HTR3D: variants seen among roughly 807,000 people sequenced by gnomAD.
HTR3D encodes the protein 5-hydroxytryptamine receptor 3D.
Under a neutral mutation model 45.8 loss-of-function variants are expected in HTR3D, and 47 were observed. The ratio of observed to expected loss-of-function variants is 1.03; its 90% CI spans 0.81 to 1.31. HTR3D has a LOEUF of 1.31. HTR3D is among the 50% of genes most tolerant of loss of function. The pLI is 0.00. For missense variants in HTR3D, 448 were observed against 506.9 expected (o/e 0.88, Z 1.12); for synonymous variants, 203 against 199.8 (o/e 1.02, Z -0.13).
chr3:184,036,334 C>T (rs1722888373), intron 3 of HTR3D, 41 bp from the exon 4 acceptor site: 5 of 1,606,824 alleles, frequency 3.1e-6, no homozygotes, highest in Non-Finnish European at 2.6e-6. Flanking sequence ...TGGGGAAACC[C>T]ACAGCACCTA....
intron 1 of HTR3D, among the ~76,000 whole-genome samples, chr3:184,032,596 G>T (rs73048500): frequency 7.2e-5 from 11 of 152,150 alleles, no homozygotes; most frequent in Admixed American, 7.2e-4. Context: ...AGGTGGAGAG[G>T]TTGCAGTGAG....
intron 1 of HTR3D, chr3:184,032,818 C>CT: frequency 1.3e-6 from 2 of 1,538,180 alleles, no homozygotes; most frequent in Middle Eastern, 1.8e-4. Flanking sequence ...CCAGTGCCCC[C>CT]TGTTTTCTCT....
At chr3:184,037,798 C>A (rs1722950367) in intron 5 of HTR3D, among the ~76,000 whole-genome samples, 1 of 152,198 alleles carries the variant, frequency 6.6e-6, no homozygotes. Context: ...AAAGTTGACA[C>A]CTTGGGCCAA....
At chr3:184,036,948 G>A in intron 5 of HTR3D, 52 bp downstream of exon 5, 1 of 1,522,764 alleles carries the variant, frequency 6.6e-7, no homozygotes, top group Non-Finnish European at 8.9e-7. Context: ...GGCTGGTCTT[G>A]AACTCCTGGC....
rs201102333 is a variant in HTR3D at position 184,038,894 on chromosome 3, G to A, written c.1134G>A (p.Ala378=). 1.3e-5 allele frequency: 21 copies of A among 1,614,218 alleles called. No individual in the cohort carries two copies. The highest frequency in any genetic ancestry group is 1.0e-4 in the Admixed American group (6 of 60,030). ...AGCTGTGGGTGCAGTTCAGCCACGC[G>A]ATGGACGCCCTGCTCTTCCGCCTCT... ...SVELWVQFSH[A]MDALLFRLYL... The change falls in exon 8 of 8, where the codon GCG becomes GCA. Residue 378 remains alanine, a synonymous_variant. Transcript: ENST00000428798. The surrounding 1 kb of genome is among the most constrained non-coding windows in gnomAD (Gnocchi z 4.5).
Position 184,036,642 on chromosome 3 carries a change from G to C in HTR3D, c.367+98G>C, listed in dbSNP as rs1576978517. 4.4e-6 allele frequency: 7 copies of C among 1,584,070 alleles called. No individual in the cohort carries two copies. The East Asian group carries it at 1.6e-4, about 36-fold the overall frequency. The stretch of plus-strand genomic sequence containing the variant: ...AACAGTGAGGGAATCTTGCTGAAAA[G>C]GGCCTGGAAGCTAAGCAGTGAGGGA... On this transcript the variant is annotated intron_variant, in intron 4 of 7. Transcript: ENST00000428798.
chr3:184,036,727 C>A (rs1215334345), intron 4 of HTR3D, 21 bp from the exon 5 acceptor site: 11 of 1,552,422 alleles, frequency 7.1e-6, no homozygotes, highest in Non-Finnish European at 9.6e-6. Flanking sequence ...TCTGGGCCTG[C>A]TTTGCAGTGG....
chr3:184,036,313 G>A (rs1722887628), intron 3 of HTR3D, 62 bp from the exon 4 acceptor site: 1 of 1,587,946 alleles, frequency 6.3e-7, no homozygotes, highest in Non-Finnish European at 8.6e-7. Context: ...GAGAAAGAAG[G>A]CCAAGTCTGA....
Position 184,038,116 on chromosome 3 carries a change from C to T in HTR3D, c.612C>T (p.Tyr204=). ...ILIAIDALSF[Y]LPLESGNCAP... ...TTGCCATCGATGCCCTCAGTTTCTA[C>T]CTGCCACTGGAAAGTGGGAATTGTG... Residue 204 remains tyrosine, a synonymous_variant, in exon 6 of 8, where the codon TAC becomes TAT. Coordinates refer to ENST00000428798, the MANE Select transcript of HTR3D (RefSeq NM_001145143.1). This position sits in a 1 kb window ranked among gnomAD's most constrained non-coding sequence, Gnocchi z 4.5. 4 of 1,614,142 alleles carry T rather than the reference C, an allele frequency of 2.5e-6. No individual in the cohort carries two copies. The South Asian group carries it at 3.3e-5, about 13-fold the overall frequency.
At chr3:184,033,744 C>T (rs1176202208) in intron 1 of HTR3D, among the ~76,000 whole-genome samples, 3 of 151,960 alleles carry the variant, frequency 2.0e-5, no homozygotes, top group African/African-American at 7.3e-5. Context: ...TGGTGAAACC[C>T]CATCTCTACT....
At chr3:184,037,038 T>A in intron 5 of HTR3D, 142 bp downstream of exon 5, 1 of 187,756 alleles carries the variant, frequency 5.3e-6, no homozygotes, top group Non-Finnish European at 8.1e-6. Context: ...TTTGTCACTC[T>A]TTTTTTTTTT....
chr3:184,034,482 A>G (rs1299202587), intron 1 of HTR3D, among the ~76,000 whole-genome samples: 1 of 152,200 alleles, frequency 6.6e-6, no homozygotes, highest in Non-Finnish European at 1.5e-5. Context: ...CAAGAAGAAA[A>G]GAGCTCTGGT....
chr3:184,038,964 T>C lies in HTR3D; in HGVS notation c.1204T>C (p.Trp402Arg), dbSNP rs900796190. 1.9e-6 allele frequency: 3 copies of C among 1,614,028 alleles called. No homozygotes were observed. The highest frequency in any genetic ancestry group is 2.7e-5 in the African/African-American group (2 of 74,926). ...ASSIITVICL[W>R]NT is the part of the protein sequence containing the mutation. ...CTCCATCATCACCGTCATATGCCTC[T>C]GGAACACCTAGGCAGGTGCTCACCT... The change falls in exon 8 of 8, where the codon TGG (tryptophan) becomes CGG (arginine). Residue 402 changes from tryptophan to arginine, a missense_variant. By Grantham distance (101) the Trp-to-Arg change is moderately radical. Transcript: ENST00000428798. The surrounding 1 kb of genome is among the most constrained non-coding windows in gnomAD (Gnocchi z 4.5).
chr3:184,033,449 A>G (rs984163749), intron 1 of HTR3D, among the ~76,000 whole-genome samples: 1 of 152,222 alleles, frequency 6.6e-6, no homozygotes, highest in African/African-American at 2.4e-5. Context: ...AAAAAAATCA[A>G]ACAACCCAAT....
Position 184,031,767 on chromosome 3 carries a change from A to G in HTR3D, c.26A>G (p.Lys9Arg). 6.4e-7 allele frequency: 1 copy of G among 1,551,562 alleles called. No homozygotes were observed. Among genetic ancestry groups the G allele is most frequent in the Non-Finnish European group, 8.7e-7 (1 of 1,146,904 alleles). Residue 9 changes from lysine to arginine, a missense_variant, in exon 1 of 8, where the codon AAA becomes AGA. Lys to Arg is a conservative substitution (Grantham distance 26, BLOSUM62 2). Transcript: ENST00000428798. ...ATGGAAAGAGGCTGGTTCCATGGGA[A>G]AGGATTCCTCCTTGGCTTCATCCTC... is the stretch of plus-strand genomic sequence containing the variant. MERGWFHG[K>R]GFLLGFILHL...
chr3:184,038,429 C>T lies in HTR3D; in HGVS notation c.790C>T (p.Leu264=). 1 of 1,614,196 alleles carries T rather than the reference C, an allele frequency of 6.2e-7. No individual in the cohort carries two copies. The highest frequency in any genetic ancestry group is 1.7e-5 in the Admixed American group (1 of 60,022). ...QKRGVYFALC[L]SLMVGSLLET... The stretch of plus-strand genomic sequence containing the variant: ...TGCAGGTGTCTACTTCGCCCTGTGC[C>T]TGTCCCTGATGGTGGGCAGCCTGCT... The change falls in exon 7 of 8, where the codon CTG becomes TTG. Residue 264 remains leucine, a synonymous_variant. Coordinates refer to ENST00000428798, the MANE Select transcript of HTR3D (RefSeq NM_001145143.1). This position sits in a 1 kb window ranked among gnomAD's most constrained non-coding sequence, Gnocchi z 4.5.
At chr3:184,031,995 C>CTTT (rs3031482) in intron 1 of HTR3D, among the ~76,000 whole-genome samples, 188 bp downstream of exon 1, 9,152 of 129,530 alleles carry the variant, frequency 0.071, 1,342 homozygotes, top group African/African-American at 0.26. Flanking sequence ...CTTTTCTCTT[C>CTTT]TTTTTTTTTT....
At chr3:184,035,106 A>T (rs559315635) in intron 1 of HTR3D, 72 bp from the exon 2 acceptor site, 2 of 1,550,892 alleles carry the variant, frequency 1.3e-6, no homozygotes, top group East Asian at 4.9e-5. Flanking sequence ...CTTGGAAGTG[A>T]ACAAGGAGAG....
At chr3:184,036,226 C>T (rs1722883614) in intron 3 of HTR3D, 126 bp downstream of exon 3, 12 of 1,482,508 alleles carry the variant, frequency 8.1e-6, no homozygotes, top group Admixed American at 4.8e-5. Flanking sequence ...AGCTTACAAA[C>T]CCCCAGAATA....
Sources: gnomAD v4.1 joint callset for allele counts (sites outside exome capture counted in the v4.1 genomes callset) on GRCh38, gnomAD v4.1.1 for gene constraint, Gnocchi (gnomAD v3.1) non-coding constraint, MANE v1.5 for transcripts, NCBI Gene and HGNC (gene_info 2026-07-23, HGNC 2026-07-21) for gene names.